Variants in TRIM24 observed in about 807,000 individuals in gnomAD.
TRIM24 encodes the protein transcription intermediary factor 1-alpha.
Under a neutral mutation model 123.9 loss-of-function variants are expected in TRIM24, and 29 were observed. The ratio of observed to expected loss-of-function variants is 0.23; its 90% CI spans 0.17 to 0.32. The LOEUF is 0.32. Ranked by LOEUF, TRIM24 falls within the 10% of genes least tolerant of loss-of-function variation. The pLI is 1.00. For missense variants in TRIM24, 932 were observed against 1,295.3 expected, an observed-to-expected ratio of 0.72 and a Z score of 4.31; for synonymous variants, 456 against 461.1, an observed-to-expected ratio of 0.99 and a Z score of 0.14.
chr7:138,494,212 C>G (rs547138446), intron 1 of TRIM24, among the ~76,000 whole-genome samples: 1 of 152,104 alleles, frequency 6.6e-6, no homozygotes, highest in East Asian at 2.0e-4. Context: ...AGACTCCTGA[C>G]CTCAGGTGAT....
chr7:138,460,719 C>G lies in TRIM24; in HGVS notation c.171C>G (p.Ala57=). Residue 57 remains alanine (A), a synonymous_variant, in exon 1 of 19, where the codon GCC becomes GCG. Coordinates refer to ENST00000343526, the MANE Select transcript of TRIM24 (RefSeq NM_015905.3). ...GGCTCAACCTGTTGGACACTTGCGC[C>G]GTGTGCCACCAGAACATCCAGAGCC... ...AARLNLLDTC[A]VCHQNIQSRA... 4 of 1,571,184 alleles carry G rather than the reference C, an allele frequency of 2.5e-6. No homozygotes were observed. The highest frequency in any genetic ancestry group is 1.1e-5 in the South Asian group (1 of 87,062).
At chr7:138,494,961 G>GA (rs969779338) in intron 1 of TRIM24, among the ~76,000 whole-genome samples, 9 of 152,188 alleles carry the variant, frequency 5.9e-5, no homozygotes, top group African/African-American at 1.9e-4. Context: ...ACCATGTGAG[G>GA]AAAAAAAGAA....
intron 4 of TRIM24, among the ~76,000 whole-genome samples, chr7:138,522,249 T>A (rs993606010): frequency 1.3e-5 from 2 of 151,592 alleles, no homozygotes; most frequent in Non-Finnish European, 2.9e-5. Context: ...GGCAGGAGAA[T>A]CACTCGAACC....
intron 4 of TRIM24, 132 bp from the exon 5 acceptor site, chr7:138,525,109 T>C: frequency 2.3e-6 from 1 of 425,810 alleles, no homozygotes; most frequent in East Asian, 4.0e-5. Context: ...TTATTAGGGA[T>C]ACGTTTGATG....
chr7:138,569,474 G>A (rs747202658), intron 10 of TRIM24, among the ~76,000 whole-genome samples: 4 of 152,272 alleles, frequency 2.6e-5, no homozygotes, highest in South Asian at 2.1e-4. Flanking sequence ...TTCTGAGTAC[G>A]TGAGGAAAAG....
intron 1 of TRIM24, among the ~76,000 whole-genome samples, chr7:138,500,724 A>T (rs879698089): frequency 2.5e-4 from 38 of 152,074 alleles, no homozygotes; most frequent in Non-Finnish European, 4.0e-4. Flanking sequence ...AAAAAAAAAA[A>T]ATTATCCAGG....
chr7:138,480,114 C>T (rs557256916), intron 1 of TRIM24, among the ~76,000 whole-genome samples: 6 of 115,334 alleles, frequency 5.2e-5, no homozygotes, highest in East Asian at 2.2e-4. Flanking sequence ...CCACCGCACC[C>T]GGGCCATGAA....
intron 1 of TRIM24, among the ~76,000 whole-genome samples, chr7:138,476,060 G>T (rs1795390207): frequency 1.3e-5 from 2 of 151,982 alleles, no homozygotes; most frequent in African/African-American, 4.8e-5. Context: ...TTAAAAAAAA[G>T]AAGCTTCAGG....
intron 1 of TRIM24, chr7:138,461,182 C>T (rs1280815197): frequency 4.3e-6 from 3 of 696,438 alleles, no homozygotes; most frequent in Admixed American, 1.8e-5. Flanking sequence ...CCGGGCGGCC[C>T]CTGCCACTCG....
intron 11 of TRIM24, among the ~76,000 whole-genome samples, chr7:138,573,255 C>CA: frequency 6.6e-6 from 1 of 152,268 alleles, no homozygotes; most frequent in South Asian, 2.1e-4. Context: ...GTGTGAATGA[C>CA]ATGATATTCC....
At chr7:138,480,398 T>C (rs1394063874) in intron 1 of TRIM24, among the ~76,000 whole-genome samples, 2 of 152,230 alleles carry the variant, frequency 1.3e-5, no homozygotes, top group Non-Finnish European at 2.9e-5. Context: ...CATTTAACAT[T>C]GAAGGGATCA....
intron 9 of TRIM24, among the ~76,000 whole-genome samples, chr7:138,558,917 G>A (rs1217561219): frequency 6.6e-6 from 1 of 152,224 alleles, no homozygotes; most frequent in African/African-American, 2.4e-5. Context: ...GGGACCTAGA[G>A]GAACAAACGG....
chr7:138,582,673 T>C (rs2353355), intron 17 of TRIM24, among the ~76,000 whole-genome samples: 56,057 of 151,740 alleles, frequency 0.37, 10,494 homozygotes, highest in East Asian at 0.52. Context: ...GAGCCGAGAT[T>C]GCGCCATTGC....
intron 7 of TRIM24, among the ~76,000 whole-genome samples, chr7:138,542,714 C>CA (rs1797028782): frequency 6.6e-6 from 1 of 152,062 alleles, no homozygotes; most frequent in African/African-American, 2.4e-5. Context: ...TCACCTATTC[C>CA]AAAAAATGGA....
At chr7:138,473,719 A>G (rs1219625412) in intron 1 of TRIM24, among the ~76,000 whole-genome samples, 2 of 152,192 alleles carry the variant, frequency 1.3e-5, no homozygotes, top group African/African-American at 4.8e-5. Flanking sequence ...TTTTCCATTT[A>G]TCTATCATGG....
rs147173489 is a variant in TRIM24 at position 138,566,706 on chromosome 7, C to T, written c.1531-775C>T. Among the ~76,000 whole-genome samples the T allele has an allele frequency of 7.0e-4, 107 of 152,122 alleles. 1 individual carries two copies. The highest frequency in any genetic ancestry group is 6.8e-3 in the Middle Eastern group (2 of 294). Reference sequence around the variant, plus strand: ...AATTATGTTTTCAAACTTTTAGTTTCCTAATTTGCAAAACAAAGGTAATAA... The same window carrying T: ...AATTATGTTTTCAAACTTTTAGTTTTCTAATTTGCAAAACAAAGGTAATAA... On this transcript the variant is annotated intron_variant, in intron 9 of 18. Coordinates refer to ENST00000343526, the MANE Select transcript of TRIM24 (RefSeq NM_015905.3).
intron 1 of TRIM24, among the ~76,000 whole-genome samples, chr7:138,490,231 T>C (rs2116496930): frequency 6.6e-6 from 1 of 152,308 alleles, no homozygotes; most frequent in East Asian, 1.9e-4. Flanking sequence ...CTACACTGTT[T>C]ATGCTCGTTA....
chr7:138,584,334 T>C (rs1481157482), intron 18 of TRIM24, among the ~76,000 whole-genome samples: 3 of 152,242 alleles, frequency 2.0e-5, no homozygotes, highest in Non-Finnish European at 4.4e-5. Context: ...AGCTCTAATT[T>C]AAAAATTTCT....
Position 138,518,034 on chromosome 7 carries a change from A to G in TRIM24, c.632-1155A>G, listed in dbSNP as rs556317728. On this transcript the variant is annotated intron_variant, in intron 3 of 18. Coordinates refer to ENST00000343526, the MANE Select transcript of TRIM24 (RefSeq NM_015905.3). ...TGACTCAACAATTCCACCACGAGGA[A>G]TTTACCTTATGGAAACATTTAAATG... 1.9e-3 allele frequency among the ~76,000 whole-genome samples: 290 copies of G among 152,318 alleles called. 1 individual carries two copies. The highest frequency in any genetic ancestry group is 6.7e-3 in the African/African-American group (277 of 41,558).
Sources: allele counts gnomAD v4.1 joint callset (sites outside exome capture counted in the v4.1 genomes callset), GRCh38; gene constraint gnomAD v4.1.1; transcripts MANE v1.5; gene names NCBI Gene and HGNC (gene_info 2026-07-23, HGNC 2026-07-21).